Variants in SLC25A30 observed in about 807,000 individuals in gnomAD.
SLC25A30 encodes kidney mitochondrial carrier protein 1.
SLC25A30 carries 29 observed loss-of-function variants against 42.7 expected under a neutral mutation model. The ratio of observed to expected loss-of-function variants is 0.68; its 90% CI spans 0.51 to 0.93. SLC25A30 has a LOEUF of 0.93. Among genes scored for constraint, SLC25A30 ranks in the 40% least tolerant of loss-of-function variants. The probability of loss-of-function intolerance (pLI) is 0.00; values close to 1 mark genes in which losing one functional copy is unlikely to be tolerated. For missense variants in SLC25A30, 300 were observed against 359.7 expected (o/e 0.83, Z 1.34); for synonymous variants, 124 against 131.0 (o/e 0.95, Z 0.37).
At chr13:45,400,897 C>G (rs1881902127) in intron 7 of SLC25A30, among the ~76,000 whole-genome samples, 186 bp downstream of exon 7, 1 of 152,088 alleles carries the variant, frequency 6.6e-6, no homozygotes, top group Non-Finnish European at 1.5e-5. Context: ...TTTGCATACA[C>G]GTAGAAAACG....
chr13:45,414,867 T>C (rs1883389060), intron 1 of SLC25A30, among the ~76,000 whole-genome samples: 1 of 152,164 alleles, frequency 6.6e-6, no homozygotes, highest in African/African-American at 2.4e-5. Context: ...ACACAGTTGT[T>C]TGGAAAAATC....
At chr13:45,404,781 G>A (rs1222848738) in intron 4 of SLC25A30, among the ~76,000 whole-genome samples, 7 of 152,082 alleles carry the variant, frequency 4.6e-5, no homozygotes, top group African/African-American at 1.7e-4. Flanking sequence ...CCACGCCACT[G>A]TACTCCAGCC....
intron 7 of SLC25A30, among the ~76,000 whole-genome samples, chr13:45,400,502 G>A (rs756938034): frequency 1.3e-5 from 2 of 152,210 alleles, no homozygotes; most frequent in Admixed American, 6.5e-5. Context: ...TTGTTAAATC[G>A]CATTTTATTT....
At position 45,405,997 on chromosome 13, in the gene SLC25A30, AG is replaced by A. The variant is rs745467385; in HGVS notation, c.213-21del. The A allele has an allele frequency of 6.2e-7, 1 of 1,611,892 alleles. No individual in the cohort carries two copies. Among genetic ancestry groups the A allele is most frequent in the South Asian group, 1.1e-5 (1 of 91,000 alleles). On this transcript the variant is annotated intron_variant, in intron 3 of 9. Coordinates refer to ENST00000519676, the MANE Select transcript of SLC25A30 (RefSeq NM_001010875.4). ...GCAATCCTGTTAAACCAATGTACAAAGGGACAAAAGCAATCTAAAAATCACT... is the reference window on the plus strand; with the variant it reads ...GCAATCCTGTTAAACCAATGTACAAAGGACAAAAGCAATCTAAAAATCACT...
the SLC25A30 span, among the ~76,000 whole-genome samples, chr13:45,425,524 AT>A: frequency 1.0e-5 from 1 of 97,542 alleles, no homozygotes; most frequent in African/African-American, 3.8e-5. Context: ...AAGCATATAT[AT>A]AAATATGTAT....
Position 45,393,618 on chromosome 13 carries a change from T to C in SLC25A30, c.*2356A>G. ...TGGCATATTTAAGAAAACCCAAAGGTGGGGAGGTACTTATAGCCAGAACCC... is the reference window on the plus strand; with the variant it reads ...TGGCATATTTAAGAAAACCCAAAGGCGGGGAGGTACTTATAGCCAGAACCC... On this transcript the variant is annotated 3_prime_UTR_variant, in exon 10 of 10. Transcript: ENST00000519676. The C allele has an allele frequency of 1.0e-6, 1 of 985,284 alleles. No homozygotes were observed. Among genetic ancestry groups the C allele is most frequent in the Non-Finnish European group, 1.2e-6 (1 of 829,892 alleles). The allele number at this position is 985,284 out of a possible 1,614,324, so 61.0% of individuals were successfully genotyped here.
the SLC25A30 span, among the ~76,000 whole-genome samples, chr13:45,423,660 T>TATATATAAAA: frequency 1.8e-5 from 1 of 56,284 alleles, no homozygotes. Context: ...TTTATATAAA[T>TATATATAAAA]ATATATAAAA....
At chr13:45,428,399 G>C in the SLC25A30 span, among the ~76,000 whole-genome samples, 1 of 150,938 alleles carries the variant, frequency 6.6e-6, no homozygotes, top group Admixed American at 6.6e-5. Flanking sequence ...AGTAGAGACG[G>C]GGTTTCACCA....
chr13:45,422,542 G>A (rs1253269966), upstream of SLC25A30, among the ~76,000 whole-genome samples: 7 of 152,072 alleles, frequency 4.6e-5, no homozygotes, highest in Admixed American at 4.6e-4. Context: ...TTGCCCTCCA[G>A]GAGAAATTCA....
At chr13:45,417,371 C>G (rs1471626650) in intron 1 of SLC25A30, among the ~76,000 whole-genome samples, 1 of 152,162 alleles carries the variant, frequency 6.6e-6, no homozygotes, top group East Asian at 1.9e-4. Flanking sequence ...CCTTTTTAGT[C>G]TTAAGTCTTA....
At chr13:45,427,046 G>A in the SLC25A30 span, among the ~76,000 whole-genome samples, 8 of 151,964 alleles carry the variant, frequency 5.3e-5, no homozygotes, top group African/African-American at 1.7e-4. Flanking sequence ...GATGAGCTTG[G>A]TAATTGGATG....
chr13:45,427,029 C>G, the SLC25A30 span, among the ~76,000 whole-genome samples: 37 of 152,046 alleles, frequency 2.4e-4, no homozygotes, highest in African/African-American at 8.9e-4. Flanking sequence ...ACAGATTTAC[C>G]AGCTCAGATG....
At chr13:45,427,051 T>C in the SLC25A30 span, among the ~76,000 whole-genome samples, 2 of 152,060 alleles carry the variant, frequency 1.3e-5, no homozygotes, top group Non-Finnish European at 2.9e-5. Context: ...GCTTGGTAAT[T>C]GGATGATGAA....
chr13:45,400,614 A>G (rs1388878296), intron 7 of SLC25A30, among the ~76,000 whole-genome samples: 2 of 152,032 alleles, frequency 1.3e-5, no homozygotes, highest in Non-Finnish European at 1.5e-5. Context: ...CTCCTGCCTC[A>G]GTCTCCCATG....
chr13:45,407,662 A>G (rs959643725), intron 3 of SLC25A30, among the ~76,000 whole-genome samples: 1 of 152,208 alleles, frequency 6.6e-6, no homozygotes, highest in Admixed American at 6.5e-5. Flanking sequence ...TTCTCCATTT[A>G]GATGTCCTGT....
chr13:45,421,447 C>T (rs982823131), upstream of SLC25A30, among the ~76,000 whole-genome samples: 2 of 149,908 alleles, frequency 1.3e-5, no homozygotes, highest in African/African-American at 4.9e-5. Context: ...ACGAACTATT[C>T]AGTGCCAGTC....
At position 45,394,166 on chromosome 13, in the gene SLC25A30, T is replaced by C. The variant is rs1404635449; in HGVS notation, c.*1808A>G. 1.0e-6 allele frequency: 1 copy of C among 985,252 alleles called. No individual in the cohort carries two copies. Among genetic ancestry groups the C allele is most frequent in the Non-Finnish European group, 1.2e-6 (1 of 829,926 alleles). 61.0% of individuals were successfully genotyped at this position (985,252 alleles called of 1,614,324 possible). On this transcript the variant is annotated 3_prime_UTR_variant, in exon 10 of 10. Transcript: ENST00000519676. ...CTGAATGAGCTCTGGGGTCCTCTGC[T>C]GCCCTCTAGGGTTGCCCAGGGAGAG... is the stretch of plus-strand genomic sequence containing the variant.
intron 1 of SLC25A30, among the ~76,000 whole-genome samples, chr13:45,417,794 G>A (rs547442728): frequency 3.9e-5 from 6 of 152,334 alleles, no homozygotes; most frequent in African/African-American, 1.4e-4. Flanking sequence ...TCAAAACCCA[G>A]AGGTACATTA....
At chr13:45,416,680 A>G (rs571253289) in intron 1 of SLC25A30, among the ~76,000 whole-genome samples, 1 of 152,254 alleles carries the variant, frequency 6.6e-6, no homozygotes, top group East Asian at 1.9e-4. Flanking sequence ...CTGAGGTGGA[A>G]GGGGCACATA....
Sources: gnomAD v4.1 joint callset for allele counts (sites outside exome capture counted in the v4.1 genomes callset) on GRCh38, gnomAD v4.1.1 for gene constraint, MANE v1.5 for transcripts, NCBI Gene and HGNC (gene_info 2026-07-23, HGNC 2026-07-21) for gene names.